Variants in PCDHGA2 observed in about 807,000 individuals in gnomAD.
PCDHGA2 encodes the protein protocadherin gamma-A2.
Under a neutral mutation model 59.2 loss-of-function variants are expected in PCDHGA2, and 40 were observed. That is an observed-to-expected ratio of 0.68 (90% CI 0.52 to 0.88). The LOEUF is 0.88. Ranked by LOEUF, PCDHGA2 falls within the 40% of genes least tolerant of loss-of-function variation. The pLI, the probability that PCDHGA2 is intolerant of heterozygous loss-of-function variation, is 0.00. For synonymous variants in PCDHGA2, 560 were observed against 526.0 expected (o/e 1.06, Z -0.89); for missense variants, 1,226 against 1,204.0 (o/e 1.02, Z -0.27).
intron 1 of PCDHGA2, among the ~76,000 whole-genome samples, chr5:141,386,454 C>T (rs1377987276): frequency 6.6e-6 from 1 of 152,064 alleles, no homozygotes; most frequent in South Asian, 2.1e-4. Flanking sequence ...GGCAAGAGGA[C>T]AGCTTGAACC....
chr5:141,504,824 C>T (rs537283013), intron 2 of PCDHGA2, among the ~76,000 whole-genome samples: 4 of 152,230 alleles, frequency 2.6e-5, no homozygotes, highest in South Asian at 4.1e-4. Context: ...TAGGTCCCCA[C>T]TTTTTCTCTA....
At chr5:141,499,689 CTTTTTTTTTTT>C in intron 2 of PCDHGA2, among the ~76,000 whole-genome samples, 1 of 119,852 alleles carries the variant, frequency 8.3e-6, no homozygotes, top group Non-Finnish European at 1.7e-5. Context: ...TAACAGATGA[CTTTTTTTTTTT>C]TTTTTTTTTT....
rs112731052 is a variant in PCDHGA2 at position 141,457,109 on chromosome 5, A to G, written c.2425-37698A>G. ...TATAAGGATACTAATTAAGCAAAAT[A>G]CGACAGCAATGGAAACTCTGTCCAA... is the stretch of plus-strand genomic sequence containing the variant. On this transcript the variant is annotated intron_variant, in intron 1 of 3. Coordinates refer to ENST00000394576, the MANE Select transcript of PCDHGA2 (RefSeq NM_018915.4). 8.3e-3 allele frequency among the ~76,000 whole-genome samples: 1,258 copies of G among 152,360 alleles called. 17 individuals are homozygous for G. Among genetic ancestry groups the G allele is most frequent in the African/African-American group, 0.029 (1,195 of 41,578 alleles).
intron 1 of PCDHGA2, chr5:141,468,586 G>C (rs1232477889): frequency 1.3e-5 from 2 of 152,176 alleles, no homozygotes; most frequent in East Asian, 1.9e-4. Context: ...GGTACTAAAG[G>C]CTGGGCGCGG....
At position 141,489,635 on chromosome 5, in the gene PCDHGA2, G is replaced by A. The variant is rs1380466520; in HGVS notation, c.2425-5172G>A. On this transcript the variant is annotated intron_variant, in intron 1 of 3. Coordinates refer to ENST00000394576, the MANE Select transcript of PCDHGA2 (RefSeq NM_018915.4). The surrounding 1 kb of genome is among the most constrained non-coding windows in gnomAD (Gnocchi z 4.5). Reference sequence around the variant, plus strand: ...CTGGATCTCAATGACAACTCTCCTAGCTTTGCCACCCCTGAGCGAGAGATG... The same window carrying A: ...CTGGATCTCAATGACAACTCTCCTAACTTTGCCACCCCTGAGCGAGAGATG... 6.2e-7 allele frequency: 1 copy of A among 1,614,142 alleles called. No individual in the cohort carries two copies. The highest frequency in any genetic ancestry group is 8.5e-7 in the Non-Finnish European group (1 of 1,180,012).
intron 1 of PCDHGA2, among the ~76,000 whole-genome samples, chr5:141,401,296 C>G (rs2094138441): frequency 6.6e-6 from 1 of 152,104 alleles, no homozygotes; most frequent in African/African-American, 2.4e-5. Flanking sequence ...GAGCCGAGAT[C>G]ACTCCATTGC....
intron 1 of PCDHGA2, chr5:141,393,092 G>A (rs2092676024): frequency 6.2e-7 from 1 of 1,613,644 alleles, no homozygotes; most frequent in Non-Finnish European, 8.5e-7. Flanking sequence ...TAGATCGGGA[G>A]GAGCTCTGCG....
At chr5:141,470,428 T>A (rs974038419) in intron 1 of PCDHGA2, among the ~76,000 whole-genome samples, 1 of 152,254 alleles carries the variant, frequency 6.6e-6, no homozygotes, top group Non-Finnish European at 1.5e-5. Flanking sequence ...TTTTTCCTTG[T>A]GTGCAATAAT....
intron 1 of PCDHGA2, chr5:141,422,710 G>T: frequency 6.2e-7 from 1 of 1,603,486 alleles, no homozygotes; most frequent in African/African-American, 1.3e-5. Context: ...TCTGACGGAT[G>T]ACACTGTCCA....
In PCDHGA2 at chr5:141,384,747, CTT is replaced by C. The variant is rs1040265836; in HGVS notation, c.2424+43354_2424+43355del. Reference sequence around the variant, plus strand: ...TGCTTAAGGCCAGCGAGCCAGGACTCTTTGCGGTTGGGCTGTACACGGGCGAG... The same window carrying C: ...TGCTTAAGGCCAGCGAGCCAGGACTCTGCGGTTGGGCTGTACACGGGCGAG... On this transcript the variant is annotated intron_variant, in intron 1 of 3. Coordinates refer to ENST00000394576, the MANE Select transcript of PCDHGA2 (RefSeq NM_018915.4). 2.2e-5 allele frequency: 35 copies of C among 1,614,060 alleles called. No individual in the cohort carries two copies. In the Admixed American group the frequency reaches 3.5e-4, roughly 16 times the overall value.
intron 1 of PCDHGA2, chr5:141,402,843 G>A (rs1370040306): frequency 5.7e-6 from 8 of 1,399,114 alleles, no homozygotes; most frequent in Non-Finnish European, 6.6e-6. Context: ...GCAAAACTCA[G>A]CCTCTTTCTT....
chr5:141,418,125 G>T (rs765373450), intron 1 of PCDHGA2: 7 of 1,613,968 alleles, frequency 4.3e-6, no homozygotes, highest in African/African-American at 2.7e-5. Flanking sequence ...GTGAAGGACC[G>T]AATAGACCGT....
chr5:141,422,883 C>A, intron 1 of PCDHGA2: 1 of 1,614,242 alleles, frequency 6.2e-7, no homozygotes, highest in Non-Finnish European at 8.5e-7. Flanking sequence ...TGAGCCTGTT[C>A]GTGCTGGACC....
rs1409333356 is a variant in PCDHGA2 at position 141,418,996 on chromosome 5, T to C, written c.2425-75811T>C. On this transcript the variant is annotated intron_variant, in intron 1 of 3. Coordinates refer to ENST00000394576, the MANE Select transcript of PCDHGA2 (RefSeq NM_018915.4). ...CACGGGACCAAGACTCAGGGGAAAATGGGGAAGTCAGGTGTAGCTTAAGTA... is the reference window on the plus strand; with the variant it reads ...CACGGGACCAAGACTCAGGGGAAAACGGGGAAGTCAGGTGTAGCTTAAGTA... 3.3e-5 allele frequency: 54 copies of C among 1,613,756 alleles called. 1 individual carries two copies. The East Asian group carries it at 1.0e-3, about 30-fold the overall frequency.
intron 1 of PCDHGA2, chr5:141,418,958 G>A: frequency 4.3e-6 from 7 of 1,614,000 alleles, no homozygotes; most frequent in Non-Finnish European, 5.9e-6. Context: ...AGTGGTTGTT[G>A]CCCTCTTCAA....
intron 1 of PCDHGA2, among the ~76,000 whole-genome samples, chr5:141,358,954 AT>A (rs1761073251): frequency 6.6e-6 from 1 of 152,182 alleles, no homozygotes; most frequent in South Asian, 2.1e-4. Flanking sequence ...TTGTGCTTTC[AT>A]TTAGGTTCTG....
intron 1 of PCDHGA2, chr5:141,410,094 C>A: frequency 6.2e-7 from 1 of 1,612,646 alleles, no homozygotes; most frequent in South Asian, 1.1e-5. Context: ...ACGGCTCGAG[C>A]CTTAGGCGAC....
chr5:141,476,837 G>A lies in PCDHGA2; in HGVS notation c.2425-17970G>A, dbSNP rs1160244271. 4 of 1,613,534 alleles carry A rather than the reference G, an allele frequency of 2.5e-6. No individual in the cohort carries two copies. The highest frequency in any genetic ancestry group is 3.4e-6 in the Non-Finnish European group (4 of 1,180,054). On this transcript the variant is annotated intron_variant, in intron 1 of 3. Coordinates refer to ENST00000394576, the MANE Select transcript of PCDHGA2 (RefSeq NM_018915.4). The surrounding 1 kb of genome is among the most constrained non-coding windows in gnomAD (Gnocchi z 7.6). Reference sequence around the variant, plus strand: ...CAAGGTGCTGGACGCGAATGACAATGCGCCTGTCTTCAACCAGTCCTTGTA... The same window carrying A: ...CAAGGTGCTGGACGCGAATGACAATACGCCTGTCTTCAACCAGTCCTTGTA...
chr5:141,339,464 A>G lies in PCDHGA2; in HGVS notation c.493A>G (p.Asn165Asp). 1 of 1,614,206 alleles carries G rather than the reference A, an allele frequency of 6.2e-7. No individual in the cohort carries two copies. Among genetic ancestry groups the G allele is most frequent in the Non-Finnish European group, 8.5e-7 (1 of 1,180,038 alleles). Residue 165 changes from asparagine to aspartate, a missense_variant, in exon 1 of 4, where the codon AAC (asparagine) becomes GAC (aspartate). Coordinates refer to ENST00000394576, the MANE Select transcript of PCDHGA2 (RefSeq NM_018915.4). ...KNAHDADVGE[N>D]ALQKYALNPN... ...TGCGCATGATGCAGACGTAGGTGAGAACGCCCTTCAGAAGTACGCACTCAA... is the reference window on the plus strand; with the variant it reads ...TGCGCATGATGCAGACGTAGGTGAGGACGCCCTTCAGAAGTACGCACTCAA...
Sources: gnomAD v4.1 joint callset for allele counts (sites outside exome capture counted in the v4.1 genomes callset) on GRCh38, gnomAD v4.1.1 for gene constraint, Gnocchi (gnomAD v3.1) non-coding constraint, MANE v1.5 for transcripts, NCBI Gene and HGNC (gene_info 2026-07-23, HGNC 2026-07-21) for gene names.